The following SEL1L2 variants were observed in gnomAD, a reference collection of about 807,000 sequenced individuals.
SEL1L2 encodes SEL1L2 adaptor subunit of SYVN1 ubiquitin ligase, also known as protein sel-1 homolog 2.
SEL1L2 carries 89 observed loss-of-function variants against 98.8 expected under a neutral mutation model. The ratio of observed to expected loss-of-function variants is 0.90; its 90% CI spans 0.76 to 1.07. The LOEUF is 1.07. Ranked by LOEUF, SEL1L2 falls within the 50% of genes least tolerant of loss-of-function variation. The pLI is 0.00. For synonymous variants in SEL1L2, 262 were observed against 278.5 expected (o/e 0.94, Z 0.59); for missense variants, 788 against 812.0 (o/e 0.97, Z 0.36).
At chr20:13,991,790 C>T (rs2052542763), upstream of SEL1L2, among the ~76,000 whole-genome samples, 2 of 152,036 alleles carry the variant, frequency 1.3e-5, no homozygotes, top group African/African-American at 4.8e-5. Flanking sequence ...GCCAGGAGTT[C>T]GAGACCAGGC....
At chr20:13,861,377 C>T (rs569449459) in intron 17 of SEL1L2, among the ~76,000 whole-genome samples, 7 of 151,850 alleles carry the variant, frequency 4.6e-5, no homozygotes, top group African/African-American at 1.5e-4. Context: ...AAATCCTGGG[C>T]TCAAGCGATC....
chr20:13,865,486 T>C lies in SEL1L2; in HGVS notation c.1433A>G (p.His478Arg). ...ELYKGVCELGHWAEKFLTAYF... is the reference protein window; with the variant it reads ...ELYKGVCELGRWAEKFLTAYF... The stretch of plus-strand genomic sequence containing the variant: ...AGCTGTCAGGAATTTCTCAGCCCAG[T>C]GGCCTAGTTCACAGACACCTTTATA... Residue 478 changes from histidine (H) to arginine (R), a missense_variant, in exon 16 of 20, where the codon CAC becomes CGC. His to Arg is a conservative substitution (Grantham distance 29). Transcript: ENST00000284951. 6.2e-7 allele frequency: 1 copy of C among 1,614,074 alleles called. No individual in the cohort carries two copies. Among genetic ancestry groups the C allele is most frequent in the Non-Finnish European group, 8.5e-7 (1 of 1,179,978 alleles).
chr20:13,900,343 A>C (rs2047614878), intron 5 of SEL1L2, among the ~76,000 whole-genome samples: 3 of 152,194 alleles, frequency 2.0e-5, no homozygotes, highest in Admixed American at 1.3e-4. Context: ...TTAAATTTGC[A>C]ATGTTATCCA....
chr20:13,957,387 C>G (rs974364384), intron 1 of SEL1L2, among the ~76,000 whole-genome samples: 1 of 152,196 alleles, frequency 6.6e-6, no homozygotes, highest in Non-Finnish European at 1.5e-5. Context: ...CAGGCGTGAG[C>G]TGCTGCGCCC....
chr20:13,890,035 C>T (rs2047138087), intron 5 of SEL1L2, among the ~76,000 whole-genome samples: 1 of 152,144 alleles, frequency 6.6e-6, no homozygotes, highest in Non-Finnish European at 1.5e-5. Context: ...GTTAAGAAGT[C>T]ATAGGACAGC....
intron 1 of SEL1L2, among the ~76,000 whole-genome samples, chr20:13,964,446 C>CTTTTTTTTTT: frequency 9.5e-6 from 1 of 105,362 alleles, no homozygotes; most frequent in Non-Finnish European, 1.9e-5. Flanking sequence ...GCTATCTCTT[C>CTTTTTTTTTT]ATTTTTTTTT....
chr20:13,860,019 A>G (rs1989844189), intron 17 of SEL1L2, among the ~76,000 whole-genome samples: 1 of 152,206 alleles, frequency 6.6e-6, no homozygotes, highest in Non-Finnish European at 1.5e-5. Flanking sequence ...TTCTTAAAGA[A>G]CAAAAACTTA....
At chr20:13,921,327 A>C (rs945196498) in intron 3 of SEL1L2, among the ~76,000 whole-genome samples, 1 of 152,098 alleles carries the variant, frequency 6.6e-6, no homozygotes, top group African/African-American at 2.4e-5. Flanking sequence ...GCATGCCACC[A>C]CGCCCAGCTA....
intron 1 of SEL1L2, among the ~76,000 whole-genome samples, chr20:13,966,104 C>G (rs2051028391): frequency 6.6e-6 from 1 of 152,138 alleles, no homozygotes; most frequent in Non-Finnish European, 1.5e-5. Context: ...GATAGACTTG[C>G]TCAACACAGG....
chr20:13,865,330 G>A lies in SEL1L2; in HGVS notation c.1570+19C>T, dbSNP rs749966487. 1 of 1,613,002 alleles carries A rather than the reference G, an allele frequency of 6.2e-7. No homozygotes were observed. Among genetic ancestry groups the A allele is most frequent in the South Asian group, 1.1e-5 (1 of 91,030 alleles). ...ATATGTATGATTGGGGGATTGCAGA[G>A]AATTTTAACTCATCTTACTAGATTC... On this transcript the variant is annotated intron_variant, in intron 16 of 19. Coordinates refer to ENST00000284951, the MANE Select transcript of SEL1L2 (RefSeq NM_025229.2).
rs72488675 is a variant in SEL1L2, at chr20:13,948,836, T to C, written c.114+7240A>G. On this transcript the variant is annotated intron_variant, in intron 2 of 19. Transcript: ENST00000284951. ...GGAAGAAGGCTTTAATGAGGATCAG[T>C]CTCAAATCCGTCTCCCTGACCAACT... Among the ~76,000 whole-genome samples, 3 of 152,144 alleles carry C rather than the reference T, an allele frequency of 2.0e-5. No individual in the cohort carries two copies. In the South Asian group the frequency reaches 6.2e-4, roughly 32 times the overall value.
intron 5 of SEL1L2, among the ~76,000 whole-genome samples, chr20:13,912,091 G>A (rs1043350755): frequency 1.1e-4 from 16 of 152,116 alleles, no homozygotes; most frequent in Middle Eastern, 3.4e-3. Context: ...AGCAGTGAAC[G>A]AGAAGGATGC....
Position 13,956,133 on chromosome 20 carries a change from T to C in SEL1L2, c.59-2A>G, listed in dbSNP as rs201552077. On this transcript the variant is annotated splice_acceptor_variant, in intron 1 of 19. Transcript: ENST00000284951. LOFTEE classifies it high-confidence loss of function. ...TATTATGTTCCTCTGCTTTGATAGCTGCAATACACAAAATTTTTTTATAAA... is the reference window on the plus strand; with the variant it reads ...TATTATGTTCCTCTGCTTTGATAGCCGCAATACACAAAATTTTTTTATAAA... 3.5e-5 allele frequency: 52 copies of C among 1,478,998 alleles called. No individual in the cohort carries two copies. The African/African-American group carries it at 6.3e-4, about 18-fold the overall frequency. The allele number at this position is 1,478,998 out of a possible 1,614,324, so 91.6% of individuals were successfully genotyped here.
At chr20:13,929,648 C>T (rs1432906955) in intron 3 of SEL1L2, among the ~76,000 whole-genome samples, 1 of 151,118 alleles carries the variant, frequency 6.6e-6, no homozygotes, top group African/African-American at 2.4e-5. Flanking sequence ...CTACAGGCGC[C>T]TGCAACCACA....
At chr20:13,983,268 G>C (rs762036233) in intron 1 of SEL1L2, among the ~76,000 whole-genome samples, 2 of 151,850 alleles carry the variant, frequency 1.3e-5, no homozygotes, top group Non-Finnish European at 2.9e-5. Context: ...AGGGACAATT[G>C]AATAGTTATG....
intron 8 of SEL1L2, 60 bp downstream of exon 8, chr20:13,887,704 ATTGAT>A: frequency 2.0e-6 from 2 of 1,018,434 alleles, no homozygotes; most frequent in East Asian, 4.8e-5. Context: ...TTGAACTGTT[ATTGAT>A]TTATTTTTCT....
intron 1 of SEL1L2, among the ~76,000 whole-genome samples, chr20:13,958,200 C>T (rs1421705950): frequency 6.6e-6 from 1 of 151,960 alleles, no homozygotes; most frequent in Non-Finnish European, 1.5e-5. Context: ...TAAATGAGAT[C>T]GTTTATATAT....
chr20:13,994,545 C>G (rs561074872), upstream of SEL1L2, among the ~76,000 whole-genome samples: 10 of 152,160 alleles, frequency 6.6e-5, no homozygotes, highest in African/African-American at 2.4e-4. Flanking sequence ...ACTCAATTAG[C>G]CTTGAAGATG....
intron 5 of SEL1L2, among the ~76,000 whole-genome samples, chr20:13,891,521 G>T (rs1743686888): frequency 6.6e-6 from 1 of 151,988 alleles, no homozygotes; most frequent in Admixed American, 6.6e-5. Flanking sequence ...ACAAAAATTA[G>T]CTGGGCATGG....
Sources: allele counts gnomAD v4.1 joint callset (sites outside exome capture counted in the v4.1 genomes callset), GRCh38; gene constraint gnomAD v4.1.1; transcripts MANE v1.5; gene names NCBI Gene and HGNC (gene_info 2026-07-23, HGNC 2026-07-21).